The following HID1 variants were observed in gnomAD, a reference collection of about 807,000 sequenced individuals.
HID1 encodes the protein HID1 domain containing, also known as protein HID1.
Under a neutral mutation model 89.7 loss-of-function variants are expected in HID1, and 42 were observed. The ratio of observed to expected loss-of-function variants is 0.47; its 90% CI spans 0.37 to 0.61. The LOEUF is 0.61. Among genes scored for constraint, HID1 ranks in the 20% least tolerant of loss-of-function variants. The pLI, the probability that HID1 is intolerant of heterozygous loss-of-function variation, is 0.00. For missense variants in HID1, 854 were observed against 1,039.3 expected (o/e 0.82, Z 2.45); for synonymous variants, 442 against 433.8 (o/e 1.02, Z -0.24).
chr17:74,963,866 C>A lies in HID1; in HGVS notation c.261G>T (p.Ser87=), dbSNP rs540296471. ...LVQGAESGCH[S]EKEKQIVLNC... ...TCAGGACGATCTGCTTCTCCTTCTC[C>A]GAGTGGCAGCCACTCTCAGCTCCCT... Residue 87 remains serine, a synonymous_variant, in exon 3 of 19, where the codon TCG becomes TCT. Coordinates refer to ENST00000425042, the MANE Select transcript of HID1 (RefSeq NM_030630.3). 2 of 1,613,568 alleles carry A rather than the reference C, an allele frequency of 1.2e-6. No individual in the cohort carries two copies. The highest frequency in any genetic ancestry group is 8.5e-7 in the Non-Finnish European group (1 of 1,179,986).
Position 74,958,649 on chromosome 17 carries a change from A to AGG in HID1, c.1240+23_1240+24insCC. The AGG allele has an allele frequency of 1.9e-6, 2 of 1,059,268 alleles. No individual in the cohort carries two copies. The highest frequency in any genetic ancestry group is 2.9e-6 in the Non-Finnish European group (2 of 681,666). 65.6% of individuals were successfully genotyped at this position (1,059,268 alleles called of 1,614,324 possible). On this transcript the variant is annotated intron_variant, in intron 10 of 18. Coordinates refer to ENST00000425042, the MANE Select transcript of HID1 (RefSeq NM_030630.3). This position sits in a 1 kb window ranked among gnomAD's most constrained non-coding sequence, Gnocchi z 5.2. ...CCTCGCCGCCAGGAAAGCCCCCAGCATCCCACCCCCACCCTGGTCTTACAC... is the reference window on the plus strand; with the variant it reads ...CCTCGCCGCCAGGAAAGCCCCCAGCAGGTCCCACCCCCACCCTGGTCTTACAC...
Position 74,960,040 on chromosome 17 carries a change from T to C in HID1, c.937A>G (p.Met313Val). The C allele has an allele frequency of 6.2e-7, 1 of 1,613,600 alleles. No homozygotes were observed. The highest frequency in any genetic ancestry group is 2.2e-5 in the East Asian group (1 of 44,872). ...CCCATCCTTACATCGGCATCATCCA[T>C]GGCGGTGCCAGTGGTGGTGCCGTCC... ...TVDGTTTGTA[M>V]DDADPPGPEN... The change falls in exon 7 of 19, where the codon ATG (methionine) becomes GTG (valine). Residue 313 changes from methionine (M) to valine (V), a missense_variant. Transcript: ENST00000425042.
chr17:74,966,456 C>T (rs373198004), intron 1 of HID1, among the ~76,000 whole-genome samples: 2 of 151,920 alleles, frequency 1.3e-5, no homozygotes, highest in Admixed American at 6.6e-5. Flanking sequence ...CCAAGGCACG[C>T]GCACCTCCTC....
At position 74,962,176 on chromosome 17, in the gene HID1, C is replaced by T. The variant is rs552584869; in HGVS notation, c.611+58G>A. 110 of 1,436,592 alleles carry T rather than the reference C, an allele frequency of 7.7e-5. No homozygotes were observed. The Middle Eastern group carries it at 1.1e-3, about 15-fold the overall frequency. 89.0% of individuals were successfully genotyped at this position (1,436,592 alleles called of 1,614,324 possible). On this transcript the variant is annotated intron_variant, in intron 5 of 18. Transcript: ENST00000425042. The surrounding 1 kb of genome is among the most constrained non-coding windows in gnomAD (Gnocchi z 4.3). ...GACCCCATGGGCTTTCTGAGCTGTG[C>T]GGGGGCCCGGCCCGGGGTCCAGCTG...
chr17:74,964,008 A>G, intron 2 of HID1, 98 bp from the exon 3 acceptor site: 3 of 1,285,888 alleles, frequency 2.3e-6, no homozygotes, highest in African/African-American at 2.9e-5. Context: ...GAGGAGGGTC[A>G]GGGGGGGCAC....
intron 1 of HID1, among the ~76,000 whole-genome samples, chr17:74,965,199 G>A (rs1317724287): frequency 1.3e-5 from 2 of 152,184 alleles, no homozygotes; most frequent in South Asian, 2.1e-4. Context: ...CACCTCCAGC[G>A]CTGCAGCTCA....
chr17:74,952,945 G>A (rs939135481), intron 16 of HID1, 61 bp downstream of exon 16: 18 of 1,338,238 alleles, frequency 1.3e-5, no homozygotes, highest in Admixed American at 4.3e-5. Context: ...CCCAGCTCCC[G>A]CCTCAGTACC....
chr17:74,966,132 A>C (rs2039559512), intron 1 of HID1, among the ~76,000 whole-genome samples: 1 of 151,632 alleles, frequency 6.6e-6, no homozygotes, highest in African/African-American at 2.4e-5. Flanking sequence ...TAAAAACACT[A>C]AAATTAGCTG....
chr17:74,968,702 A>AAGG (rs2039599233), intron 1 of HID1, among the ~76,000 whole-genome samples: 2 of 152,104 alleles, frequency 1.3e-5, no homozygotes, highest in South Asian at 4.1e-4. Context: ...TGGGGTAAGG[A>AAGG]AGGACATCCC....
Position 74,962,480 on chromosome 17 carries a change from G to T in HID1, c.505-140C>A, listed in dbSNP as rs1010782721. 3 of 568,674 alleles carry T rather than the reference G, an allele frequency of 5.3e-6. No homozygotes were observed. Among genetic ancestry groups the T allele is most frequent in the Non-Finnish European group, 9.6e-6 (3 of 311,304 alleles). 35.2% of individuals were successfully genotyped at this position (568,674 alleles called of 1,614,324 possible). On this transcript the variant is annotated intron_variant, in intron 4 of 18. Transcript: ENST00000425042. This position sits in a 1 kb window ranked among gnomAD's most constrained non-coding sequence, Gnocchi z 4.3. The stretch of plus-strand genomic sequence containing the variant: ...CTCCTAAAGACAGGTCCTCAAAATG[G>T]CCTGGCCCTCATGCACAAGAGCAGG...
chr17:74,972,680 G>T lies in HID1; in HGVS notation c.-24C>A. On this transcript the variant is annotated 5_prime_UTR_variant, in exon 1 of 19. Coordinates refer to ENST00000425042, the MANE Select transcript of HID1 (RefSeq NM_030630.3). This position sits in a 1 kb window ranked among gnomAD's most constrained non-coding sequence, Gnocchi z 6.4. Reference sequence around the variant, plus strand: ...ATGTCTCTGGAGCCCGCTCCGGCCCGGCCCCCGCCCAGACTCCAACCCGGC... The same window carrying T: ...ATGTCTCTGGAGCCCGCTCCGGCCCTGCCCCCGCCCAGACTCCAACCCGGC... 1 of 1,530,698 alleles carries T rather than the reference G, an allele frequency of 6.5e-7. No individual in the cohort carries two copies. Among genetic ancestry groups the T allele is most frequent in the African/African-American group, 1.4e-5 (1 of 70,392 alleles). The allele number at this position is 1,530,698 out of a possible 1,614,324, so 94.8% of individuals were successfully genotyped here.
rs1023508820 is a variant in HID1, at chr17:74,961,962, T to C, written c.639A>G (p.Thr213=). ...GCAGGTACATGGCCTCGGAGAAGCA[T>C]GTCAGCAGCAGTTTCAGCAGCTCCA... ...NRMELLKLLL[T]CFSEAMYLPP... Residue 213 remains threonine (T), a synonymous_variant, in exon 6 of 19, where the codon ACA becomes ACG. Transcript: ENST00000425042. The C allele has an allele frequency of 3.8e-6, 6 of 1,597,004 alleles. No individual in the cohort carries two copies. Among genetic ancestry groups the C allele is most frequent in the Non-Finnish European group, 5.1e-6 (6 of 1,171,950 alleles).
chr17:74,952,078 G>T lies in HID1; in HGVS notation c.2145-15C>A, dbSNP rs1226608433. ...CCGTCAGGCCCCTGCGGGGAGAGGGGTATCTCCAGCACACTCACGTGGTCC... is the reference window on the plus strand; with the variant it reads ...CCGTCAGGCCCCTGCGGGGAGAGGGTTATCTCCAGCACACTCACGTGGTCC... On this transcript the variant is annotated splice_polypyrimidine_tract_variant and intron_variant, in intron 17 of 18. Coordinates refer to ENST00000425042, the MANE Select transcript of HID1 (RefSeq NM_030630.3). 1.4e-5 allele frequency: 22 copies of T among 1,554,770 alleles called. No homozygotes were observed. The highest frequency in any genetic ancestry group is 5.9e-5 in the Admixed American group (3 of 50,960).
intron 1 of HID1, among the ~76,000 whole-genome samples, chr17:74,965,196 A>G (rs1451051707): frequency 1.3e-5 from 2 of 152,166 alleles, no homozygotes; most frequent in Non-Finnish European, 2.9e-5. Context: ...GCCCACCTCC[A>G]GCGCTGCAGC....
intron 3 of HID1, 39 bp from the exon 4 acceptor site, chr17:74,963,120 T>C: frequency 6.8e-7 from 1 of 1,477,698 alleles, no homozygotes; most frequent in African/African-American, 1.4e-5. Flanking sequence ...CAGTGATAGC[T>C]GGCCAGGAAG....
At position 74,962,835 on chromosome 17, in the gene HID1, C is replaced by G; in HGVS notation, c.504+130G>C. On this transcript the variant is annotated intron_variant, in intron 4 of 18. Coordinates refer to ENST00000425042, the MANE Select transcript of HID1 (RefSeq NM_030630.3). The surrounding 1 kb of genome is among the most constrained non-coding windows in gnomAD (Gnocchi z 4.3). ...AGCTGCCACCCAGGCCTACATGTGCCAGGCAGCTCAGCTCTCCTGGAGCCC... is the reference window on the plus strand; with the variant it reads ...AGCTGCCACCCAGGCCTACATGTGCGAGGCAGCTCAGCTCTCCTGGAGCCC... 1 of 678,948 alleles carries G rather than the reference C, an allele frequency of 1.5e-6. No homozygotes were observed. The allele number at this position is 678,948 out of a possible 1,614,324, so 42.1% of individuals were successfully genotyped here.
Position 74,962,200 on chromosome 17 carries a change from T to C in HID1, c.611+34A>G, listed in dbSNP as rs1160022606. The C allele has an allele frequency of 6.5e-7, 1 of 1,541,658 alleles. No homozygotes were observed. The highest frequency in any genetic ancestry group is 8.9e-7 in the Non-Finnish European group (1 of 1,122,314). Reference sequence around the variant, plus strand: ...GCGGGGGCCCGGCCCGGGGTCCAGCTGCATTGAGGGCTCCGGGCCTGGGCG... The same window carrying C: ...GCGGGGGCCCGGCCCGGGGTCCAGCCGCATTGAGGGCTCCGGGCCTGGGCG... On this transcript the variant is annotated intron_variant, in intron 5 of 18. Transcript: ENST00000425042. The surrounding 1 kb of genome is among the most constrained non-coding windows in gnomAD (Gnocchi z 4.3).
chr17:74,967,162 G>A (rs540282705), intron 1 of HID1, among the ~76,000 whole-genome samples: 343 of 151,792 alleles, frequency 2.3e-3, no homozygotes, highest in Non-Finnish European at 4.3e-3. Flanking sequence ...GCTTGAACTC[G>A]GGAGTTGAAG....
At chr17:74,954,574 C>T (rs949768363) in intron 13 of HID1, 1 of 828,710 alleles carries the variant, frequency 1.2e-6, no homozygotes, top group Admixed American at 2.8e-5. Context: ...GAATGTCAGG[C>T]CTGAGCACCT....
Sources: gnomAD v4.1 joint callset for allele counts (sites outside exome capture counted in the v4.1 genomes callset) on GRCh38, gnomAD v4.1.1 for gene constraint, Gnocchi (gnomAD v3.1) non-coding constraint, MANE v1.5 for transcripts, NCBI Gene and HGNC (gene_info 2026-07-23, HGNC 2026-07-21) for gene names.